Variants in CDH9 observed in about 807,000 individuals in gnomAD.
The protein encoded by CDH9 is cadherin 9.
CDH9 carries 28 observed loss-of-function variants against 70.9 expected under a neutral mutation model. The observed-to-expected ratio is 0.40, with a 90% CI of 0.29 to 0.54. CDH9 has a LOEUF of 0.54. Among genes scored for constraint, CDH9 ranks in the 20% least tolerant of loss-of-function variants. The pLI, the probability that CDH9 is intolerant of heterozygous loss-of-function variation, is 0.59. For missense variants in CDH9, 874 were observed against 984.4 expected, an observed-to-expected ratio of 0.89 and a Z score of 1.50; for synonymous variants, 409 against 343.1, an observed-to-expected ratio of 1.19 and a Z score of -2.12.
chr5:26,924,535 T>C (rs1006112974), intron 2 of CDH9, among the ~76,000 whole-genome samples: 2 of 148,880 alleles, frequency 1.3e-5, no homozygotes, highest in African/African-American at 5.0e-5. Flanking sequence ...ATATATTATA[T>C]ATATAAAATA....
chr5:27,027,561 G>C (rs1161323967), intron 1 of CDH9, among the ~76,000 whole-genome samples: 2 of 151,960 alleles, frequency 1.3e-5, no homozygotes, highest in Non-Finnish European at 2.9e-5. Context: ...GGAGCCCCAA[G>C]GCATTAGAAG....
At chr5:26,984,406 A>C (rs528149624) in intron 2 of CDH9, among the ~76,000 whole-genome samples, 25 of 152,272 alleles carry the variant, frequency 1.6e-4, no homozygotes, top group Admixed American at 1.2e-3. Flanking sequence ...GTGAAAAATA[A>C]ATACTATGTC....
chr5:26,961,585 A>G (rs945486152), intron 2 of CDH9, among the ~76,000 whole-genome samples: 10 of 152,158 alleles, frequency 6.6e-5, no homozygotes, highest in Non-Finnish European at 1.2e-4. Context: ...CCTATATTCT[A>G]TCACTTTTCC....
intron 2 of CDH9, among the ~76,000 whole-genome samples, chr5:26,930,934 G>C (rs973713): frequency 6.6e-6 from 1 of 151,874 alleles, no homozygotes; most frequent in South Asian, 2.1e-4. Context: ...TCTCATATTA[G>C]ATATTAGCTT....
intron 2 of CDH9, among the ~76,000 whole-genome samples, chr5:26,933,201 C>T (rs115130366): frequency 0.052 from 7,732 of 147,792 alleles, 332 homozygotes; most frequent in African/African-American, 0.12. Context: ...AAATGTATTA[C>T]GAAATAAAAT....
At chr5:27,024,553 T>C (rs1036182506) in intron 1 of CDH9, among the ~76,000 whole-genome samples, 12 of 152,098 alleles carry the variant, frequency 7.9e-5, no homozygotes, top group Admixed American at 7.9e-4. Flanking sequence ...TGAAATTATC[T>C]TGAGCCACTA....
chr5:26,931,469 C>A (rs1461479996), intron 2 of CDH9, among the ~76,000 whole-genome samples: 1 of 152,126 alleles, frequency 6.6e-6, no homozygotes, highest in African/African-American at 2.4e-5. Context: ...AGTTTTGACA[C>A]ACCAGAATGG....
chr5:26,945,880 C>A (rs966322586), intron 2 of CDH9, among the ~76,000 whole-genome samples: 1 of 152,048 alleles, frequency 6.6e-6, no homozygotes, highest in Non-Finnish European at 1.5e-5. Flanking sequence ...CATTCTTTTC[C>A]GTCACTGGGG....
At chr5:26,954,310 TTG>T (rs1157113794) in intron 2 of CDH9, among the ~76,000 whole-genome samples, 1 of 152,012 alleles carries the variant, frequency 6.6e-6, no homozygotes, top group African/African-American at 2.4e-5. Flanking sequence ...CTTCCTTCAT[TTG>T]TGATTGTCAA....
chr5:27,016,351 C>T (rs918237566), intron 1 of CDH9, among the ~76,000 whole-genome samples: 4 of 151,766 alleles, frequency 2.6e-5, no homozygotes, highest in Non-Finnish European at 4.4e-5. Context: ...AAGTACATTG[C>T]TCATCAGAAA....
intron 2 of CDH9, among the ~76,000 whole-genome samples, chr5:26,986,122 G>A (rs763500808): frequency 2.0e-5 from 3 of 151,936 alleles, no homozygotes; most frequent in Non-Finnish European, 4.4e-5. Flanking sequence ...TTTTGCTGAG[G>A]TGTCTATTTC....
chr5:26,993,720 A>C (rs1201609052), intron 1 of CDH9, among the ~76,000 whole-genome samples: 2 of 151,440 alleles, frequency 1.3e-5, no homozygotes, highest in East Asian at 3.9e-4. Flanking sequence ...AAAAAAAAAA[A>C]AAGAACTATT....
intron 1 of CDH9, among the ~76,000 whole-genome samples, chr5:26,994,573 T>G (rs73076030): frequency 0.022 from 3,399 of 152,100 alleles, 119 homozygotes; most frequent in African/African-American, 0.078. Flanking sequence ...GTTTTGTTTT[T>G]TTTTGCTCTT....
intron 2 of CDH9, among the ~76,000 whole-genome samples, chr5:26,926,802 C>T (rs558864247): frequency 2.6e-4 from 40 of 151,958 alleles, no homozygotes; most frequent in African/African-American, 9.4e-4. Context: ...ACATCTACAA[C>T]CATCTGATCT....
chr5:26,937,099 C>T (rs1022965189), intron 2 of CDH9, among the ~76,000 whole-genome samples: 13 of 151,930 alleles, frequency 8.6e-5, no homozygotes, highest in African/African-American at 2.9e-4. Flanking sequence ...TAAAGAAAAG[C>T]CACACACTGA....
intron 2 of CDH9, among the ~76,000 whole-genome samples, chr5:26,919,996 G>T (rs1741216379): frequency 3.3e-5 from 5 of 152,098 alleles, no homozygotes; most frequent in Admixed American, 3.3e-4. Flanking sequence ...AGAGAATCCT[G>T]CTTGAGGGAA....
intron 2 of CDH9, among the ~76,000 whole-genome samples, chr5:26,978,237 G>A (rs1487395264): frequency 6.6e-6 from 1 of 151,568 alleles, no homozygotes; most frequent in Admixed American, 6.6e-5. Context: ...GAATTTAGTG[G>A]GACAAAGACT....
At position 26,903,714 on chromosome 5, in the gene CDH9, C is replaced by A; in HGVS notation, c.922G>T (p.Ala308Ser). The part of the protein sequence containing the change: ...GENAEMEYSI[A>S]EGDGADMFDV... ...AACATGTCTGCACCATCTCCTTCAG[C>A]AATGCTATACTCCATTTCTGCATTT... Residue 308 changes from alanine (A) to serine (S), a missense_variant, in exon 6 of 12, where the codon GCT (alanine) becomes TCT (serine). Ala to Ser is a moderately conservative substitution (Grantham distance 99, BLOSUM62 1). Transcript: ENST00000231021. 2 of 1,604,790 alleles carry A rather than the reference C, an allele frequency of 1.2e-6. No individual in the cohort carries two copies. Among genetic ancestry groups the A allele is most frequent in the Non-Finnish European group, 1.7e-6 (2 of 1,172,960 alleles).
chr5:26,959,365 C>T (rs1239535613), intron 2 of CDH9, among the ~76,000 whole-genome samples: 1 of 151,930 alleles, frequency 6.6e-6, no homozygotes, highest in Non-Finnish European at 1.5e-5. Flanking sequence ...TAAGTCTAGG[C>T]AAGGTTGTAG....
Sources: gnomAD v4.1 joint callset for allele counts (sites outside exome capture counted in the v4.1 genomes callset) on GRCh38, gnomAD v4.1.1 for gene constraint, MANE v1.5 for transcripts, NCBI Gene and HGNC (gene_info 2026-07-23, HGNC 2026-07-21) for gene names.